Variants in ICA1L observed in about 807,000 individuals in gnomAD.
ICA1L encodes the protein islet cell autoantigen 1 like, also known as islet cell autoantigen 1-like protein.
Under a neutral mutation model 61.3 loss-of-function variants are expected in ICA1L, and 50 were observed. The ratio of observed to expected loss-of-function variants is 0.82; its 90% CI spans 0.65 to 1.03. ICA1L has a LOEUF of 1.03. Ranked by LOEUF, ICA1L falls within the 50% of genes least tolerant of loss-of-function variation. The probability of loss-of-function intolerance (pLI) is 0.00; values close to 1 mark genes in which losing one functional copy is unlikely to be tolerated. For missense variants in ICA1L, 508 were observed against 556.7 expected (o/e 0.91, Z 0.88); for synonymous variants, 161 against 191.3 (o/e 0.84, Z 1.31).
At chr2:202,783,448 A>G (rs1275032393) in intron 12 of ICA1L, among the ~76,000 whole-genome samples, 2 of 152,218 alleles carry the variant, frequency 1.3e-5, no homozygotes, top group Admixed American at 6.5e-5. Flanking sequence ...GCACAACACC[A>G]TTCCTGCACT....
At chr2:202,792,661 C>G (rs1454978659) in intron 10 of ICA1L, among the ~76,000 whole-genome samples, 3 of 152,016 alleles carry the variant, frequency 2.0e-5, no homozygotes, top group Non-Finnish European at 2.9e-5. Flanking sequence ...AACAAATTAG[C>G]CGGGCATGGT....
At chr2:202,834,153 T>C (rs1233473238) in intron 1 of ICA1L, among the ~76,000 whole-genome samples, 3 of 152,232 alleles carry the variant, frequency 2.0e-5, no homozygotes, top group African/African-American at 7.2e-5. Flanking sequence ...GACAAATATT[T>C]ACCATTTTCT....
chr2:202,792,812 A>T lies in ICA1L; in HGVS notation c.986-3725T>A, dbSNP rs13428737. Among the ~76,000 whole-genome samples, 1,065 of 151,794 alleles carry T rather than the reference A, an allele frequency of 7.0e-3. 10 individuals carry two copies. Among genetic ancestry groups the T allele is most frequent in the African/African-American group, 0.024 (996 of 41,444 alleles). On this transcript the variant is annotated intron_variant, in intron 10 of 12. Transcript: ENST00000358299. Reference sequence around the variant, plus strand: ...GAGTGAGACTCGGCCTCAAAAAATTAAAAAAAAATAATAATAAACTACTGA... The same window carrying T: ...GAGTGAGACTCGGCCTCAAAAAATTTAAAAAAAATAATAATAAACTACTGA...
At chr2:202,794,791 C>G (rs561412745) in intron 10 of ICA1L, among the ~76,000 whole-genome samples, 1 of 151,922 alleles carries the variant, frequency 6.6e-6, no homozygotes, top group South Asian at 2.1e-4. Context: ...GGGAAGTGTT[C>G]AAAACCTGTA....
intron 3 of ICA1L, 190 bp from the exon 4 acceptor site, chr2:202,821,671 GAAT>G: frequency 5.2e-6 from 2 of 382,192 alleles, no homozygotes; most frequent in Non-Finnish European, 9.3e-6. Flanking sequence ...TAGGTCTAGG[GAAT>G]CTGGCTTCTT....
chr2:202,852,229 A>T (rs898479168), intron 1 of ICA1L, among the ~76,000 whole-genome samples: 2 of 152,148 alleles, frequency 1.3e-5, no homozygotes, highest in Non-Finnish European at 2.9e-5. Context: ...GTATCTTTAT[A>T]GCAGCATGAT....
At chr2:202,786,752 A>T (rs989351913) in intron 11 of ICA1L, 4 of 424,184 alleles carry the variant, frequency 9.4e-6, no homozygotes, top group African/African-American at 2.1e-5. Context: ...TACATGCATG[A>T]TTTTTTTTTT....
chr2:202,847,793 C>A (rs529874965), intron 1 of ICA1L, among the ~76,000 whole-genome samples: 19 of 146,828 alleles, frequency 1.3e-4, no homozygotes, highest in Non-Finnish European at 2.7e-4. Context: ...ATGTTCACTG[C>A]AGCATTAGTC....
At chr2:202,830,521 T>G (rs1030845703) in intron 1 of ICA1L, among the ~76,000 whole-genome samples, 2 of 152,192 alleles carry the variant, frequency 1.3e-5, no homozygotes, top group Non-Finnish European at 2.9e-5. Context: ...GTAAAAAGAA[T>G]AAATACTAAT....
At position 202,871,677 on chromosome 2, in the gene ICA1L, A is replaced by C. The variant is rs1480943928; in HGVS notation, c.-66T>G. The C allele has an allele frequency of 6.6e-6, 1 of 152,532 alleles. No individual in the cohort carries two copies. Among genetic ancestry groups the C allele is most frequent in the Admixed American group, 6.5e-5 (1 of 15,278 alleles). 9.4% of individuals were successfully genotyped at this position (152,532 alleles called of 1,614,324 possible). ...CGGCCGTACGGTGATCCGTCCCGGC[A>C]CCCGTTCCGGCCACCGCCCGCGAGC... On this transcript the variant is annotated 5_prime_UTR_variant, in exon 1 of 13. Coordinates refer to ENST00000358299, the MANE Select transcript of ICA1L (RefSeq NM_001288622.3).
intron 8 of ICA1L, among the ~76,000 whole-genome samples, chr2:202,814,257 A>G (rs763870472): frequency 2.0e-5 from 3 of 152,064 alleles, no homozygotes; most frequent in African/African-American, 2.4e-5. Context: ...TCTCTCATGA[A>G]TGGTTTGGTG....
Position 202,821,419 on chromosome 2 carries a change from T to G in ICA1L, c.298A>C (p.Thr100Pro). The change falls in exon 4 of 13, where the codon ACT becomes CCT. Residue 100 changes from threonine (T) to proline (P), a missense_variant. Coordinates refer to ENST00000358299, the MANE Select transcript of ICA1L (RefSeq NM_001288622.3). ...FLKFQAERDATQAGKMMDATG... is the reference protein window; with the variant it reads ...FLKFQAERDAPQAGKMMDATG... ...GCATCCATCATTTTGCCAGCTTGAG[T>G]TGCATCCCGTTCTGCTTGAAATTTT... The G allele has an allele frequency of 2.5e-6, 4 of 1,613,452 alleles. No individual in the cohort carries two copies. The highest frequency in any genetic ancestry group is 3.4e-6 in the Non-Finnish European group (4 of 1,179,744).
chr2:202,807,485 C>T (rs1054304591), intron 9 of ICA1L, among the ~76,000 whole-genome samples: 1 of 152,312 alleles, frequency 6.6e-6, no homozygotes, highest in Non-Finnish European at 1.5e-5. Context: ...GCAAGCCCCA[C>T]CATGGCAAGC....
At chr2:202,862,385 G>C (rs1164112487) in intron 1 of ICA1L, among the ~76,000 whole-genome samples, 1 of 150,980 alleles carries the variant, frequency 6.6e-6, no homozygotes, top group Non-Finnish European at 1.5e-5. Flanking sequence ...CCCAGGAAGT[G>C]TGAGGCTGCA....
intron 1 of ICA1L, among the ~76,000 whole-genome samples, chr2:202,836,800 T>TATCTATAGATATATAGATATATAG (rs1553536792): frequency 4.0e-4 from 58 of 145,806 alleles, no homozygotes; most frequent in Non-Finnish European, 8.0e-4. Flanking sequence ...TATATCTATA[T>TATCTATAGATATATAGATATATAG]ATATAGATAT....
rs1692160069 is a variant in ICA1L, at chr2:202,774,565, A to C, written c.*4968T>G. ...CAGGAAAAAAAGTTGTAATATACTCACAGGTCCTAGAGAGACCAGTCACTG... is the reference window on the plus strand; with the variant it reads ...CAGGAAAAAAAGTTGTAATATACTCCCAGGTCCTAGAGAGACCAGTCACTG... On this transcript the variant is annotated 3_prime_UTR_variant, in exon 13 of 13. Coordinates refer to ENST00000358299, the MANE Select transcript of ICA1L (RefSeq NM_001288622.3). The C allele has an allele frequency of 5.4e-6, 2 of 369,534 alleles. No homozygotes were observed. Among genetic ancestry groups the C allele is most frequent in the Middle Eastern group, 7.4e-4 (1 of 1,354 alleles). The allele number at this position is 369,534 out of a possible 1,614,324, so 22.9% of individuals were successfully genotyped here.
At chr2:202,831,133 T>A (rs1694005394) in intron 1 of ICA1L, among the ~76,000 whole-genome samples, 1 of 152,182 alleles carries the variant, frequency 6.6e-6, no homozygotes, top group Non-Finnish European at 1.5e-5. Context: ...AAGTGGCCAA[T>A]TTTCCAGATA....
chr2:202,796,789 T>G (rs1238627525), intron 10 of ICA1L, 101 bp downstream of exon 10: 3 of 645,770 alleles, frequency 4.6e-6, no homozygotes, highest in Non-Finnish European at 7.7e-6. Context: ...TGCATTCTTA[T>G]GTAGAGACCC....
intron 1 of ICA1L, chr2:202,840,502 A>C: frequency 1.9e-6 from 1 of 529,602 alleles, no homozygotes. Context: ...TGAGACCCTC[A>C]TAGGCCGAGC....
Sources: gnomAD v4.1 joint callset for allele counts (sites outside exome capture counted in the v4.1 genomes callset) on GRCh38, gnomAD v4.1.1 for gene constraint, MANE v1.5 for transcripts, NCBI Gene and HGNC (gene_info 2026-07-23, HGNC 2026-07-21) for gene names.